The following CPEB3 variants were observed in gnomAD, a reference collection of about 807,000 sequenced individuals.
The protein encoded by CPEB3 is cytoplasmic polyadenylation element binding protein 3, also known as cytoplasmic polyadenylation element-binding protein 3.
Under a neutral mutation model 67.2 loss-of-function variants are expected in CPEB3, and 20 were observed. The observed-to-expected ratio is 0.30, with a 90% CI of 0.21 to 0.43. The LOEUF (loss-of-function observed/expected upper bound fraction) is 0.43, where lower values mean the gene tolerates loss of function less well. Among genes scored for constraint, CPEB3 ranks in the 20% least tolerant of loss-of-function variants. The pLI is 1.00. For missense variants in CPEB3, 746 were observed against 968.6 expected, an observed-to-expected ratio of 0.77 and a Z score of 3.05; for synonymous variants, 376 against 393.1, an observed-to-expected ratio of 0.96 and a Z score of 0.51.
chr10:92,279,091 A>C (rs982718088), intron 1 of CPEB3, among the ~76,000 whole-genome samples: 11 of 152,162 alleles, frequency 7.2e-5, no homozygotes, highest in African/African-American at 1.9e-4. Flanking sequence ...AGAGGATGTA[A>C]GAGGACATAT....
At chr10:92,232,334 C>T (rs1440207013) in intron 2 of CPEB3, among the ~76,000 whole-genome samples, 3 of 151,360 alleles carry the variant, frequency 2.0e-5, no homozygotes, top group African/African-American at 4.9e-5. Flanking sequence ...GGATTACAGG[C>T]GTGAGCCACC....
chr10:92,112,334 AG>A (rs2133499547), intron 6 of CPEB3, among the ~76,000 whole-genome samples: 1 of 152,020 alleles, frequency 6.6e-6, no homozygotes, highest in Admixed American at 6.6e-5. Context: ...TAGTAGAGAC[AG>A]GGTTTCACCA....
chr10:92,158,260 C>G (rs1229634928), intron 4 of CPEB3, among the ~76,000 whole-genome samples: 3 of 152,076 alleles, frequency 2.0e-5, no homozygotes, highest in Non-Finnish European at 4.4e-5. Flanking sequence ...CAGGCTAAAT[C>G]ACAATCTTAA....
intron 9 of CPEB3, among the ~76,000 whole-genome samples, chr10:92,058,116 A>G (rs1169100702): frequency 6.6e-6 from 1 of 152,156 alleles, no homozygotes; most frequent in Non-Finnish European, 1.5e-5. Context: ...CCAGGGACCA[A>G]TCCTGGAGAA....
At chr10:92,281,120 A>T (rs1000704923) in intron 1 of CPEB3, among the ~76,000 whole-genome samples, 1 of 151,474 alleles carries the variant, frequency 6.6e-6, no homozygotes, top group Non-Finnish European at 1.5e-5. Flanking sequence ...GTCTTTTCCA[A>T]TTTCTTTTTC....
chr10:92,053,792 C>T (rs187978039), intron 9 of CPEB3, among the ~76,000 whole-genome samples: 10 of 152,270 alleles, frequency 6.6e-5, no homozygotes, highest in Non-Finnish European at 1.3e-4. Flanking sequence ...CCACCCGCCT[C>T]GGCCTCCCAA....
intron 9 of CPEB3, among the ~76,000 whole-genome samples, chr10:92,058,065 T>A (rs1441217455): frequency 6.6e-6 from 1 of 151,874 alleles, no homozygotes; most frequent in East Asian, 1.9e-4. Context: ...ATCAACACCA[T>A]CCAGGAAAAC....
intron 7 of CPEB3, among the ~76,000 whole-genome samples, chr10:92,097,244 G>C (rs1843923819): frequency 6.6e-6 from 1 of 152,104 alleles, no homozygotes; most frequent in African/African-American, 2.4e-5. Context: ...TCTAAAATAG[G>C]AACTAATTCA....
intron 9 of CPEB3, among the ~76,000 whole-genome samples, chr10:92,078,576 A>T (rs1192500439): frequency 6.6e-6 from 1 of 152,126 alleles, no homozygotes; most frequent in African/African-American, 2.4e-5. Context: ...TTCCACTACA[A>T]CTGGCTGCTA....
intron 7 of CPEB3, among the ~76,000 whole-genome samples, chr10:92,106,814 CAAAAAAAAAAAAAAAAAA>C (rs531195477): frequency 8.9e-5 from 5 of 55,974 alleles, no homozygotes; most frequent in East Asian, 5.5e-4. Flanking sequence ...GACTCTGTCT[CAAAAAAAAAAAAAAAAAA>C]AAAAAAAAGA....
chr10:92,137,577 C>T, intron 6 of CPEB3: 1 of 721,566 alleles, frequency 1.4e-6, no homozygotes, highest in Non-Finnish European at 2.5e-6. Context: ...AAGAGTTGAC[C>T]CTGGAGGGGG....
At chr10:92,119,983 G>A (rs567621435) in intron 6 of CPEB3, among the ~76,000 whole-genome samples, 11 of 151,290 alleles carry the variant, frequency 7.3e-5, no homozygotes, top group East Asian at 1.9e-4. Context: ...CGCCAGGCGC[G>A]GTGGCTCACG....
At chr10:92,281,676 T>C (rs1020158272) in intron 1 of CPEB3, among the ~76,000 whole-genome samples, 5 of 152,222 alleles carry the variant, frequency 3.3e-5, no homozygotes, top group African/African-American at 1.2e-4. Flanking sequence ...ATATAGATTG[T>C]TAAAAATATG....
chr10:92,272,738 A>T (rs555130658), intron 1 of CPEB3, among the ~76,000 whole-genome samples: 3 of 152,302 alleles, frequency 2.0e-5, no homozygotes, highest in Non-Finnish European at 4.4e-5. Flanking sequence ...TTTATGGATT[A>T]CTTTCCTTTT....
chr10:92,227,371 A>G (rs916742215), intron 2 of CPEB3, among the ~76,000 whole-genome samples: 23 of 152,256 alleles, frequency 1.5e-4, no homozygotes, highest in African/African-American at 5.5e-4. Context: ...AGAGGAGGAC[A>G]TCAAAATAAT....
At chr10:92,058,588 C>CATAT (rs201117744) in intron 9 of CPEB3, among the ~76,000 whole-genome samples, 2 of 123,976 alleles carry the variant, frequency 1.6e-5, no homozygotes, top group Non-Finnish European at 3.6e-5. Flanking sequence ...TACATACATA[C>CATAT]ATACATATAT....
intron 1 of CPEB3, among the ~76,000 whole-genome samples, chr10:92,284,130 C>T (rs1842430970): frequency 1.3e-5 from 2 of 151,448 alleles, no homozygotes; most frequent in African/African-American, 4.9e-5. Flanking sequence ...CCTCCGCCTC[C>T]AGGGTTCAAG....
Position 92,065,892 on chromosome 10 carries a change from G to A in CPEB3, c.1870-13453C>T, listed in dbSNP as rs140067419. Among the ~76,000 whole-genome samples the A allele has an allele frequency of 3.7e-3, 556 of 152,012 alleles. 5 individuals carry two copies. The highest frequency in any genetic ancestry group is 0.013 in the African/African-American group (520 of 41,460). The stretch of plus-strand genomic sequence containing the variant: ...AGAGATCATTTGAGCTCAGGAGCTC[G>A]AGACCAGCCTGGGCAACATGCTGAG... On this transcript the variant is annotated intron_variant, in intron 9 of 9. Coordinates refer to ENST00000265997, the MANE Select transcript of CPEB3 (RefSeq NM_014912.5).
intron 7 of CPEB3, among the ~76,000 whole-genome samples, chr10:92,094,107 G>A (rs373499815): frequency 1.3e-5 from 2 of 151,702 alleles, no homozygotes; most frequent in Admixed American, 6.6e-5. Flanking sequence ...CGCCCACCTC[G>A]GCCTCCCAAA....
Sources: gnomAD v4.1 joint callset for allele counts (sites outside exome capture counted in the v4.1 genomes callset) on GRCh38, gnomAD v4.1.1 for gene constraint, MANE v1.5 for transcripts, NCBI Gene and HGNC (gene_info 2026-07-23, HGNC 2026-07-21) for gene names.